Variants in KCNU1 observed in about 807,000 individuals in gnomAD.
The protein encoded by KCNU1 is potassium calcium-activated channel subfamily U member 1.
Under a neutral mutation model 126.8 loss-of-function variants are expected in KCNU1, and 93 were observed. The observed-to-expected ratio is 0.73, with a 90% CI of 0.62 to 0.87. The LOEUF is 0.87. Among genes scored for constraint, KCNU1 ranks in the 40% least tolerant of loss-of-function variants. The pLI, the probability that KCNU1 is intolerant of heterozygous loss-of-function variation, is 0.00. For synonymous variants in KCNU1, 523 were observed against 494.2 expected (o/e 1.06, Z -0.77); for missense variants, 1,330 against 1,367.1 (o/e 0.97, Z 0.43).
chr8:36,833,789 C>T, intron 11 of KCNU1, 130 bp downstream of exon 11: 5 of 554,420 alleles, frequency 9.0e-6, no homozygotes, highest in Admixed American at 2.9e-5. Context: ...ACTTCCTCAA[C>T]TTTAAAAACA....
chr8:36,933,155 G>T, intron 26 of KCNU1, 123 bp downstream of exon 26: 1 of 625,258 alleles, frequency 1.6e-6, no homozygotes. Flanking sequence ...GGGTGCATGG[G>T]AAATAAAAAA....
intron 19 of KCNU1, among the ~76,000 whole-genome samples, chr8:36,867,086 A>T (rs982406931): frequency 6.6e-6 from 1 of 152,146 alleles, no homozygotes; most frequent in African/African-American, 2.4e-5. Flanking sequence ...AAACTTTCAC[A>T]ATAAAAAATT....
At chr8:36,882,436 TAGA>T (rs1806521131) in intron 19 of KCNU1, among the ~76,000 whole-genome samples, 1 of 152,218 alleles carries the variant, frequency 6.6e-6, no homozygotes, top group African/African-American at 2.4e-5. Flanking sequence ...TATGCAGAGC[TAGA>T]ATTTCTGTAT....
rs532373524 is a variant in KCNU1, at chr8:36,916,495, G to A, written c.2522-2328G>A. ...GAAGAGAAGGGAGAAGAAAAGGAGGGAAAGAGGACACATGAAACAGATAAG... is the reference window on the plus strand; with the variant it reads ...GAAGAGAAGGGAGAAGAAAAGGAGGAAAAGAGGACACATGAAACAGATAAG... On this transcript the variant is annotated intron_variant, in intron 22 of 26. Coordinates refer to ENST00000399881, the MANE Select transcript of KCNU1 (RefSeq NM_001031836.3). Among the ~76,000 whole-genome samples, 5 of 151,640 alleles carry A rather than the reference G, an allele frequency of 3.3e-5. No individual in the cohort carries two copies. The South Asian group carries it at 1.0e-3, about 32-fold the overall frequency.
At chr8:36,914,033 A>G (rs1270381556) in intron 22 of KCNU1, among the ~76,000 whole-genome samples, 1 of 152,192 alleles carries the variant, frequency 6.6e-6, no homozygotes, top group East Asian at 1.9e-4. Context: ...GAAATTCCCA[A>G]TCTTCACAGA....
chr8:36,848,828 A>T (rs770339482), intron 18 of KCNU1, among the ~76,000 whole-genome samples: 19 of 152,024 alleles, frequency 1.2e-4, no homozygotes, highest in Non-Finnish European at 2.8e-4. Flanking sequence ...GACAAATATC[A>T]CATTTTCCTG....
chr8:36,804,186 C>T, intron 3 of KCNU1, 98 bp downstream of exon 3: 1 of 759,308 alleles, frequency 1.3e-6, no homozygotes. Flanking sequence ...TATACTTTCA[C>T]ACACACATGC....
intron 18 of KCNU1, among the ~76,000 whole-genome samples, chr8:36,851,632 TC>T (rs1297223289): frequency 2.0e-5 from 3 of 152,174 alleles, no homozygotes; most frequent in African/African-American, 7.2e-5. Flanking sequence ...CTCTTTAATT[TC>T]TTGAAACAGT....
chr8:36,885,693 C>T (rs1054814464), intron 19 of KCNU1, among the ~76,000 whole-genome samples: 10 of 151,756 alleles, frequency 6.6e-5, no homozygotes, highest in African/African-American at 1.7e-4. Flanking sequence ...TTCTGGAGGC[C>T]GAGGCAGGAG....
chr8:36,829,155 T>G (rs1804435587), intron 10 of KCNU1, among the ~76,000 whole-genome samples: 1 of 152,130 alleles, frequency 6.6e-6, no homozygotes, highest in Non-Finnish European at 1.5e-5. Context: ...GGATGTGTAA[T>G]ATATTATTTG....
intron 14 of KCNU1, among the ~76,000 whole-genome samples, chr8:36,838,653 C>T (rs531589221): frequency 2.6e-5 from 4 of 152,110 alleles, no homozygotes; most frequent in African/African-American, 4.8e-5. Flanking sequence ...GCTGAGATCA[C>T]GCCACTCCAC....
At chr8:36,897,706 C>T (rs955610884) in intron 19 of KCNU1, among the ~76,000 whole-genome samples, 3 of 151,994 alleles carry the variant, frequency 2.0e-5, no homozygotes, top group Non-Finnish European at 4.4e-5. Flanking sequence ...CTTCTACGGC[C>T]CACTAAAAAA....
intron 3 of KCNU1, 88 bp downstream of exon 3, chr8:36,804,176 T>C: frequency 2.4e-6 from 2 of 836,490 alleles, no homozygotes; most frequent in Admixed American, 4.3e-5. Flanking sequence ...TAATGCTTAA[T>C]ATACTTTCAC....
At chr8:36,896,814 T>C (rs1807210107) in intron 19 of KCNU1, among the ~76,000 whole-genome samples, 1 of 152,068 alleles carries the variant, frequency 6.6e-6, no homozygotes. Flanking sequence ...TAGGAAAACA[T>C]TTCTTCTTGC....
intron 2 of KCNU1, among the ~76,000 whole-genome samples, chr8:36,798,401 A>G (rs183978618): frequency 4.6e-5 from 7 of 152,306 alleles, no homozygotes; most frequent in African/African-American, 1.7e-4. Flanking sequence ...TTTATTTGCC[A>G]TATTTTGAAA....
At position 36,836,924 on chromosome 8, in the gene KCNU1, A is replaced by G. The variant is rs568486270; in HGVS notation, c.1497A>G (p.Leu499=). The G allele has an allele frequency of 1.2e-5, 19 of 1,613,806 alleles. No homozygotes were observed. In the Admixed American group the frequency reaches 2.3e-4, roughly 20 times the overall value. ...GCTTGTGTACCTTCCTAACATCTCT[A>G]TTTGTGGAGCAAAACAAAAAGGTAA... The part of the protein sequence containing the change: ...VPGLCTFLTS[L]FVEQNKKVMP... The change falls in exon 14 of 27, where the codon CTA becomes CTG. Residue 499 remains leucine, a synonymous_variant. Coordinates refer to ENST00000399881, the MANE Select transcript of KCNU1 (RefSeq NM_001031836.3).
chr8:36,846,078 C>A (rs1395383397), intron 18 of KCNU1, among the ~76,000 whole-genome samples, 179 bp downstream of exon 18: 1 of 152,194 alleles, frequency 6.6e-6, no homozygotes, highest in Non-Finnish European at 1.5e-5. Flanking sequence ...CTGGAAGAAA[C>A]CTAACTAGTT....
At chr8:36,920,077 T>A (rs1808283813) in intron 23 of KCNU1, among the ~76,000 whole-genome samples, 2 of 152,186 alleles carry the variant, frequency 1.3e-5, no homozygotes, top group East Asian at 3.9e-4. Flanking sequence ...AGCTGTCTGC[T>A]GCAGTTTTTA....
At chr8:36,861,778 T>A (rs1242577940) in intron 18 of KCNU1, among the ~76,000 whole-genome samples, 1 of 152,202 alleles carries the variant, frequency 6.6e-6, no homozygotes. Flanking sequence ...GAGATATAAA[T>A]AAGTGGAATT....
Sources: allele counts gnomAD v4.1 joint callset (sites outside exome capture counted in the v4.1 genomes callset), GRCh38; gene constraint gnomAD v4.1.1; transcripts MANE v1.5; gene names NCBI Gene and HGNC (gene_info 2026-07-23, HGNC 2026-07-21).